Variants in MTURN observed in about 807,000 individuals in gnomAD.
MTURN encodes maturin.
In MTURN, 7 loss-of-function variants were observed where a neutral mutation model predicts 14.9. The ratio of observed to expected loss-of-function variants is 0.47; its 90% CI spans 0.27 to 0.88. The LOEUF is 0.88. Ranked by LOEUF, MTURN falls within the 40% of genes least tolerant of loss-of-function variation. The pLI, the probability that MTURN is intolerant of heterozygous loss-of-function variation, is 0.14. For synonymous variants in MTURN, 69 were observed against 72.5 expected (o/e 0.95, Z 0.25); for missense variants, 151 against 174.1 (o/e 0.87, Z 0.75).
rs959223941 is a variant in MTURN, at chr7:30,161,733, A to G, written c.*4185A>G. The G allele has an allele frequency of 6.6e-6, 1 of 152,244 alleles. No individual in the cohort carries two copies. Among genetic ancestry groups the G allele is most frequent in the Non-Finnish European group, 1.5e-5 (1 of 68,044 alleles). The allele number at this position is 152,244 out of a possible 1,614,324, so 9.4% of individuals were successfully genotyped here. A position where few individuals can be genotyped will look rare whatever the true frequency, so the allele number is the denominator to read the frequency against. On this transcript the variant is annotated 3_prime_UTR_variant, in exon 3 of 3. Transcript: ENST00000324453. ...CCTGCAGTGGGTGTTAGCTCCAAAG[A>G]GATGCCATTGCTGATCACCCAGTCT...
chr7:30,140,261 G>A (rs761948103), intron 1 of MTURN, among the ~76,000 whole-genome samples: 21 of 152,110 alleles, frequency 1.4e-4, no homozygotes, highest in African/African-American at 1.4e-4. Context: ...CCAAAGACAC[G>A]TTGGACTCTA....
chr7:30,136,558 A>T (rs1243265993), intron 1 of MTURN, among the ~76,000 whole-genome samples: 1 of 152,038 alleles, frequency 6.6e-6, no homozygotes, highest in African/African-American at 2.4e-5. Flanking sequence ...TTCGCGAAGG[A>T]GTTAGGGAGA....
chr7:30,157,671 A>G lies in MTURN; in HGVS notation c.*123A>G. ...TAGGACATCTGGCTCCCAGCATCCA[A>G]ATTAAAATGAAATACCTTTTTAACG... On this transcript the variant is annotated 3_prime_UTR_variant, in exon 3 of 3. Coordinates refer to ENST00000324453, the MANE Select transcript of MTURN (RefSeq NM_152793.3). The G allele has an allele frequency of 1.7e-6, 1 of 579,308 alleles. No homozygotes were observed. Among genetic ancestry groups the G allele is most frequent in the Non-Finnish European group, 2.9e-6 (1 of 346,670 alleles). 35.9% of individuals were successfully genotyped at this position (579,308 alleles called of 1,614,324 possible). A position where few individuals can be genotyped will look rare whatever the true frequency, so the allele number is the denominator to read the frequency against.
chr7:30,148,968 G>A (rs1455449183), intron 2 of MTURN, among the ~76,000 whole-genome samples: 1 of 152,076 alleles, frequency 6.6e-6, no homozygotes, highest in Non-Finnish European at 1.5e-5. Flanking sequence ...TCCTCACAGG[G>A]GCTCACTCAT....
intron 2 of MTURN, among the ~76,000 whole-genome samples, chr7:30,150,782 C>T (rs1797199441): frequency 6.6e-6 from 1 of 152,206 alleles, no homozygotes; most frequent in African/African-American, 2.4e-5. Context: ...TCCATCTTGG[C>T]TGCCTCAGCT....
rs572568184 is a variant in MTURN, at chr7:30,146,448, T to C, written c.285+149T>C. 3.6e-6 allele frequency: 4 copies of C among 1,115,604 alleles called. No individual in the cohort carries two copies. The South Asian group carries it at 4.7e-5, about 13-fold the overall frequency. The allele number at this position is 1,115,604 out of a possible 1,614,324, so 69.1% of individuals were successfully genotyped here. On this transcript the variant is annotated intron_variant, in intron 2 of 2. Transcript: ENST00000324453. ...TGTGGCTTAGAGATAGCAGCCAGTA[T>C]AGGGAGGCCGAGGGCGGGAGGAGGG...
rs1226035067 is a variant in MTURN, at chr7:30,146,257, G to T, written c.243G>T (p.Thr81=). The T allele has an allele frequency of 1.9e-6, 3 of 1,613,988 alleles. No individual in the cohort carries two copies. Among genetic ancestry groups the T allele is most frequent in the Non-Finnish European group, 2.5e-6 (3 of 1,180,048 alleles). The part of the protein sequence containing the change: ...QDYISSCGKK[T]LHEVLEKVFK... ...ACATCTCCTCCTGCGGCAAGAAGAC[G>T]CTCCACGAAGTCCTGGAAAAAGTCT... The change falls in exon 2 of 3, where the codon ACG becomes ACT. Residue 81 remains threonine (T), a synonymous_variant. Coordinates refer to ENST00000324453, the MANE Select transcript of MTURN (RefSeq NM_152793.3).
chr7:30,141,892 C>T (rs1242956703), intron 1 of MTURN, among the ~76,000 whole-genome samples: 2 of 152,130 alleles, frequency 1.3e-5, no homozygotes, highest in Non-Finnish European at 2.9e-5. Context: ...GCAGAAAACC[C>T]CCACTTCAGT....
intron 1 of MTURN, among the ~76,000 whole-genome samples, chr7:30,138,720 C>A (rs975698345): frequency 1.3e-5 from 2 of 152,020 alleles, no homozygotes; most frequent in African/African-American, 4.8e-5. Flanking sequence ...TCACCACTAT[C>A]CCCCACCTCA....
At chr7:30,135,385 C>T (rs1292927829) in intron 1 of MTURN, 87 bp downstream of exon 1, 14 of 1,266,552 alleles carry the variant, frequency 1.1e-5, no homozygotes, top group Admixed American at 4.0e-5. Context: ...GCGCGGTGGG[C>T]GGCGGTGGGC....
chr7:30,147,509 G>A (rs1376520234), intron 2 of MTURN, among the ~76,000 whole-genome samples: 1 of 152,172 alleles, frequency 6.6e-6, no homozygotes, highest in Admixed American at 6.5e-5. Flanking sequence ...TTCAAGTGGG[G>A]ATGGTGTATA....
chr7:30,158,228 C>T lies in MTURN; in HGVS notation c.*680C>T, dbSNP rs770312213. 1 of 152,290 alleles carries T rather than the reference C, an allele frequency of 6.6e-6. No individual in the cohort carries two copies. The highest frequency in any genetic ancestry group is 1.5e-5 in the Non-Finnish European group (1 of 68,022). 9.4% of individuals were successfully genotyped at this position (152,290 alleles called of 1,614,324 possible). On this transcript the variant is annotated 3_prime_UTR_variant, in exon 3 of 3. Transcript: ENST00000324453. ...CGACTGTTTCAAAACATGCTAATTC[C>T]AAAGCCACTTTTGAAGTCTATAGTG...
intron 1 of MTURN, among the ~76,000 whole-genome samples, chr7:30,144,844 C>T (rs1159387608): frequency 2.0e-5 from 3 of 151,892 alleles, no homozygotes; most frequent in Non-Finnish European, 4.4e-5. Context: ...GACCATGTCT[C>T]CACATAAGTC....
chr7:30,135,225 G>A lies in MTURN; in HGVS notation c.89G>A (p.Arg30Lys). ...ELIATEETER[R>K]MDFYADPGVS... ...ATCGCCACCGAGGAGACCGAACGCA[G>A]GATGGATTTCTACGCCGACCCCGGC... Residue 30 changes from arginine (R) to lysine (K), a missense_variant, in exon 1 of 3, where the codon AGG (arginine) becomes AAG (lysine). Transcript: ENST00000324453. 1 of 1,520,342 alleles carries A rather than the reference G, an allele frequency of 6.6e-7. No individual in the cohort carries two copies. The highest frequency in any genetic ancestry group is 8.8e-7 in the Non-Finnish European group (1 of 1,132,618). 94.2% of individuals were successfully genotyped at this position (1,520,342 alleles called of 1,614,324 possible).
In MTURN at chr7:30,161,909, C is replaced by T. The variant is rs1797380004; in HGVS notation, c.*4361C>T. On this transcript the variant is annotated 3_prime_UTR_variant, in exon 3 of 3. Coordinates refer to ENST00000324453, the MANE Select transcript of MTURN (RefSeq NM_152793.3). Reference sequence around the variant, plus strand: ...AGTAATTCTGAAACCTGCCAGAATGCTGGTAGCCTGTGGTGTCCATGGCAA... The same window carrying T: ...AGTAATTCTGAAACCTGCCAGAATGTTGGTAGCCTGTGGTGTCCATGGCAA... The T allele has an allele frequency of 6.6e-6, 1 of 152,106 alleles. No homozygotes were observed. Among genetic ancestry groups the T allele is most frequent in the African/African-American group, 2.4e-5 (1 of 41,408 alleles). 9.4% of individuals were successfully genotyped at this position (152,106 alleles called of 1,614,324 possible).
At chr7:30,157,329 A>G in intron 2 of MTURN, 109 bp from the exon 3 acceptor site, 1 of 753,754 alleles carries the variant, frequency 1.3e-6, no homozygotes, top group East Asian at 3.1e-5. Flanking sequence ...GGAAGTCTGC[A>G]GCTGCTGGGT....
Position 30,160,003 on chromosome 7 carries a change from A to T in MTURN, c.*2455A>T, listed in dbSNP as rs1797345450. 1 of 152,368 alleles carries T rather than the reference A, an allele frequency of 6.6e-6. No homozygotes were observed. The highest frequency in any genetic ancestry group is 2.4e-5 in the African/African-American group (1 of 41,448). 9.4% of individuals were successfully genotyped at this position (152,368 alleles called of 1,614,324 possible). On this transcript the variant is annotated 3_prime_UTR_variant, in exon 3 of 3. Coordinates refer to ENST00000324453, the MANE Select transcript of MTURN (RefSeq NM_152793.3). Reference sequence around the variant, plus strand: ...CAGCGGTGTGGGAGGAGGAGTGTTGACCTTGGACGCAGGAGAGACACCTGG... The same window carrying T: ...CAGCGGTGTGGGAGGAGGAGTGTTGTCCTTGGACGCAGGAGAGACACCTGG...
Position 30,135,010 on chromosome 7 carries a change from C to A in MTURN, c.-127C>A. ...CACTCCGCACCGCATGTAAACAGTC[C>A]CAGCCGGCCCAGCCCGGCCCCGGAG... On this transcript the variant is annotated 5_prime_UTR_variant, in exon 1 of 3. Coordinates refer to ENST00000324453, the MANE Select transcript of MTURN (RefSeq NM_152793.3). 3.6e-6 allele frequency: 3 copies of A among 824,248 alleles called. No homozygotes were observed. Among genetic ancestry groups the A allele is most frequent in the Non-Finnish European group, 4.5e-6 (3 of 669,500 alleles). The allele number at this position is 824,248 out of a possible 1,614,324, so 51.1% of individuals were successfully genotyped here.
At chr7:30,138,777 C>T (rs986459367) in intron 1 of MTURN, among the ~76,000 whole-genome samples, 6 of 152,188 alleles carry the variant, frequency 3.9e-5, no homozygotes, top group African/African-American at 1.4e-4. Flanking sequence ...AGCCCTTACC[C>T]TGGCCCCAAG....
Sources: allele counts gnomAD v4.1 joint callset (sites outside exome capture counted in the v4.1 genomes callset), GRCh38; gene constraint gnomAD v4.1.1; transcripts MANE v1.5; gene names NCBI Gene and HGNC (gene_info 2026-07-23, HGNC 2026-07-21).